DENND1B: variants seen among roughly 807,000 people sequenced by gnomAD.
The protein encoded by DENND1B is DENN domain containing 1B, also known as DENN domain-containing protein 1B.
A neutral mutation model predicts 90.1 loss-of-function variants in DENND1B; 59 were observed. The observed-to-expected ratio is 0.65, with a 90% CI of 0.53 to 0.81. The LOEUF is 0.81. Ranked by LOEUF, DENND1B falls within the 40% of genes least tolerant of loss-of-function variation. The pLI is 0.00. For missense variants in DENND1B, 862 were observed against 912.6 expected (o/e 0.94, Z 0.71); for synonymous variants, 337 against 324.6 (o/e 1.04, Z -0.41).
Position 197,537,464 on chromosome 1 carries a change from A to C in DENND1B, c.1515+2500T>G, listed in dbSNP as rs77156303. Among the ~76,000 whole-genome samples the C allele has an allele frequency of 4.0e-3, 610 of 152,270 alleles. 3 individuals are homozygous for C. The highest frequency in any genetic ancestry group is 0.014 in the African/African-American group (589 of 41,570). On this transcript the variant is annotated intron_variant, in intron 20 of 22. Coordinates refer to ENST00000620048, the MANE Select transcript of DENND1B (RefSeq NM_001195215.2). Reference sequence around the variant, plus strand: ...ATTCTATAAGGTTTTCCGTAACCTAATACAATTTTCTCTATCAGAATGTAC... The same window carrying C: ...ATTCTATAAGGTTTTCCGTAACCTACTACAATTTTCTCTATCAGAATGTAC...
chr1:197,511,789 AG>A lies in DENND1B; in HGVS notation c.1753del (p.Leu585TrpfsTer72). On this transcript the variant is annotated frameshift_variant, in exon 22 of 23. Coordinates refer to ENST00000620048, the MANE Select transcript of DENND1B (RefSeq NM_001195215.2). LOFTEE classifies it high-confidence loss of function. ...LSTHSSDQGK[L>X]AAAKSLDFFR... ...GAAATCCAAGCTCTTTGCAGCTGCC[AG>A]CTTCCCCTGATCTGAGCTGTGTGTG... The A allele has an allele frequency of 6.2e-7, 1 of 1,611,084 alleles. No homozygotes were observed. Among genetic ancestry groups the A allele is most frequent in the Non-Finnish European group, 8.5e-7 (1 of 1,178,112 alleles).
chr1:197,528,666 C>G (rs1426168122), intron 20 of DENND1B, among the ~76,000 whole-genome samples: 1 of 151,944 alleles, frequency 6.6e-6, no homozygotes, highest in African/African-American at 2.4e-5. Context: ...CGAGACCATC[C>G]CGGCTAAAAC....
intron 15 of DENND1B, among the ~76,000 whole-genome samples, chr1:197,582,704 G>A (rs1406360822): frequency 6.6e-6 from 1 of 152,096 alleles, no homozygotes. Context: ...AATTCTGAAT[G>A]TATGAGTATT....
rs550255507 is a variant in DENND1B at position 197,746,484 on chromosome 1, C to T, written c.82+26384G>A. ...ACTGATTTTATACCATGGGTCTATA[C>T]AAATAAATAAACAAAATTCTATCCT... On this transcript the variant is annotated intron_variant, in intron 2 of 22. Coordinates refer to ENST00000620048, the MANE Select transcript of DENND1B (RefSeq NM_001195215.2). Among the ~76,000 whole-genome samples, 20 of 152,268 alleles carry T rather than the reference C, an allele frequency of 1.3e-4. 1 individual carries two copies. The highest frequency in any genetic ancestry group is 1.2e-3 in the South Asian group (6 of 4,820).
At chr1:197,552,696 C>T in intron 16 of DENND1B, 1 of 1,074,388 alleles carries the variant, frequency 9.3e-7, no homozygotes, top group South Asian at 3.6e-5. Context: ...TAGTAGTTTT[C>T]TAGCAGAGAA....
intron 4 of DENND1B, among the ~76,000 whole-genome samples, chr1:197,672,878 T>A (rs570792262): frequency 3.3e-5 from 5 of 152,192 alleles, no homozygotes; most frequent in African/African-American, 1.2e-4. Flanking sequence ...GAATCTTTAT[T>A]TCTATTTAAA....
At chr1:197,664,176 A>G (rs1654707883) in intron 5 of DENND1B, among the ~76,000 whole-genome samples, 1 of 152,058 alleles carries the variant, frequency 6.6e-6, no homozygotes, top group African/African-American at 2.4e-5. Flanking sequence ...GATTATCAAT[A>G]AGGTAAAATG....
chr1:197,677,972 T>C (rs1656265757), intron 3 of DENND1B, among the ~76,000 whole-genome samples: 1 of 152,178 alleles, frequency 6.6e-6, no homozygotes, highest in South Asian at 2.1e-4. Flanking sequence ...TACAGCAGTG[T>C]TCAGTGAAGG....
chr1:197,679,943 A>G (rs542882989), intron 3 of DENND1B, among the ~76,000 whole-genome samples: 1 of 151,432 alleles, frequency 6.6e-6, no homozygotes. Flanking sequence ...TGAGCCAAGG[A>G]GTTCGAGACC....
chr1:197,735,381 A>G, intron 2 of DENND1B: 8 of 1,382,152 alleles, frequency 5.8e-6, no homozygotes, highest in Non-Finnish European at 6.6e-6. Context: ...AACTAAATAA[A>G]ATTTAAAAGT....
chr1:197,696,225 T>C (rs924572332), intron 3 of DENND1B, among the ~76,000 whole-genome samples: 3 of 151,676 alleles, frequency 2.0e-5, no homozygotes, highest in Non-Finnish European at 4.4e-5. Context: ...AATTCTCTGC[T>C]GTTTTTGTAT....
rs906162090 is a variant in DENND1B at position 197,540,066 on chromosome 1, A to G, written c.1413T>C (p.Asn471=). ...TAGAACAGGTCCCATAATCTTCTTC[A>G]TTTTCCTACACATGAAAAAATATAC... The part of the protein sequence containing the change: ...EVKSKLKHKE[N]EEDYGTCSSS... Residue 471 remains asparagine, a synonymous_variant, in exon 20 of 23, where the codon AAT becomes AAC. Coordinates refer to ENST00000620048, the MANE Select transcript of DENND1B (RefSeq NM_001195215.2). 8 of 1,601,348 alleles carry G rather than the reference A, an allele frequency of 5.0e-6. No homozygotes were observed. The highest frequency in any genetic ancestry group is 1.7e-4 in the Middle Eastern group (1 of 6,026).
At chr1:197,643,644 C>T (rs1680482276) in intron 9 of DENND1B, among the ~76,000 whole-genome samples, 1 of 152,110 alleles carries the variant, frequency 6.6e-6, no homozygotes, top group South Asian at 2.1e-4. Flanking sequence ...TAAAACAGCC[C>T]TTTGGTACTT....
intron 14 of DENND1B, 119 bp downstream of exon 14, chr1:197,595,089 A>T: frequency 7.5e-7 from 1 of 1,332,928 alleles, no homozygotes; most frequent in Non-Finnish European, 1.0e-6. Context: ...TTTGGATCTT[A>T]AAAGATTTCC....
At position 197,658,361 on chromosome 1, in the gene DENND1B, G is replaced by A. The variant is rs751160154; in HGVS notation, c.305C>T (p.Pro102Leu). The change falls in exon 6 of 23, where the codon CCC becomes CTC. Residue 102 changes from proline to leucine, a missense_variant. Physicochemically the swap from Pro to Leu is moderately conservative, Grantham distance 98 (BLOSUM62 -3). Coordinates refer to ENST00000620048, the MANE Select transcript of DENND1B (RefSeq NM_001195215.2). Reference sequence around the variant, plus strand: ...AAGCTTGTAATACACTTCAAACCAGGGAAGGTAACTGTAAAATAATTATTT... The same window carrying A: ...AAGCTTGTAATACACTTCAAACCAGAGAAGGTAACTGTAAAATAATTATTT... ...TICLCILSYL[P>L]WFEVYYKLLN... 2.5e-6 allele frequency: 4 copies of A among 1,593,596 alleles called. No individual in the cohort carries two copies. The highest frequency in any genetic ancestry group is 3.4e-6 in the Non-Finnish European group (4 of 1,165,970).
At chr1:197,764,523 C>A (rs1655466930) in intron 2 of DENND1B, among the ~76,000 whole-genome samples, 1 of 152,072 alleles carries the variant, frequency 6.6e-6, no homozygotes, top group South Asian at 2.1e-4. Flanking sequence ...ACTAAATATA[C>A]TTATACACTT....
the DENND1B span, among the ~76,000 whole-genome samples, chr1:197,781,652 A>C: frequency 6.6e-6 from 1 of 152,200 alleles, no homozygotes; most frequent in Non-Finnish European, 1.5e-5. Context: ...ATTCGGGATC[A>C]ATATCTTCCC....
intron 2 of DENND1B, among the ~76,000 whole-genome samples, chr1:197,743,353 T>C (rs573073092): frequency 6.6e-6 from 1 of 152,328 alleles, no homozygotes; most frequent in South Asian, 2.1e-4. Context: ...GTTCACACTA[T>C]ACTGTAGTCT....
At chr1:197,598,917 A>G (rs1358456863) in intron 13 of DENND1B, among the ~76,000 whole-genome samples, 1 of 151,856 alleles carries the variant, frequency 6.6e-6, no homozygotes, top group East Asian at 1.9e-4. Context: ...AAGAAAATTC[A>G]GAAATAAGCA....
Sources: allele counts gnomAD v4.1 joint callset (sites outside exome capture counted in the v4.1 genomes callset), GRCh38; gene constraint gnomAD v4.1.1; transcripts MANE v1.5; gene names NCBI Gene and HGNC (gene_info 2026-07-23, HGNC 2026-07-21).